Variants in GLIPR1 observed in about 807,000 individuals in gnomAD.
GLIPR1 encodes the protein GLI pathogenesis related 1, also known as glioma pathogenesis-related protein 1.
In GLIPR1, 38 loss-of-function variants were observed where a neutral mutation model predicts 30.3. The ratio of observed to expected loss-of-function variants is 1.26; its 90% CI spans 0.97 to 1.65. GLIPR1 has a LOEUF of 1.65. Ranked by LOEUF, GLIPR1 falls within the 40% of genes most tolerant of loss-of-function variation. The probability of loss-of-function intolerance (pLI) is 0.00; values close to 1 mark genes in which losing one functional copy is unlikely to be tolerated. For synonymous variants in GLIPR1, 122 were observed against 110.6 expected (o/e 1.10, Z -0.65); for missense variants, 285 against 326.5 (o/e 0.87, Z 0.98).
At chr12:75,489,604 C>T (rs184631808) in intron 2 of GLIPR1, among the ~76,000 whole-genome samples, 35 of 152,196 alleles carry the variant, frequency 2.3e-4, no homozygotes, top group Admixed American at 1.2e-3. Context: ...TTTCTCAGGC[C>T]CCAAACCAAA....
intron 4 of GLIPR1, chr12:75,496,543 C>G (rs1220303044): frequency 1.3e-5 from 2 of 150,710 alleles, no homozygotes; most frequent in Non-Finnish European, 3.0e-5. Flanking sequence ...TGTTCTTGTT[C>G]TAGACACAAA....
intron 3 of GLIPR1, chr12:75,490,947 C>T (rs1490795327): frequency 6.5e-6 from 1 of 154,106 alleles, no homozygotes; most frequent in Non-Finnish European, 1.4e-5. Flanking sequence ...TAACCTATTT[C>T]ATTTACTTTT....
At chr12:75,485,055 G>T (rs2046287314) in intron 2 of GLIPR1, among the ~76,000 whole-genome samples, 1 of 152,170 alleles carries the variant, frequency 6.6e-6, no homozygotes. Flanking sequence ...AAATCTTCCT[G>T]GGGGACTCAA....
chr12:75,500,051 C>A lies in GLIPR1; in HGVS notation c.*1073C>A. On this transcript the variant is annotated 3_prime_UTR_variant, in exon 6 of 6. Transcript: ENST00000266659. ...AAGAATATATGTTTAAGGCAGTTAA[C>A]TTCAGAGTATTCTTATAATTGAATA... 2 of 860,670 alleles carry A rather than the reference C, an allele frequency of 2.3e-6. No homozygotes were observed. Among genetic ancestry groups the A allele is most frequent in the Non-Finnish European group, 3.5e-6 (2 of 576,082 alleles). 53.3% of individuals were successfully genotyped at this position (860,670 alleles called of 1,614,324 possible). A position where few individuals can be genotyped will look rare whatever the true frequency, so the allele number is the denominator to read the frequency against.
In GLIPR1 at chr12:75,499,161, A is replaced by G. The variant is rs1490611516; in HGVS notation, c.*183A>G. The G allele has an allele frequency of 4.6e-6, 2 of 439,522 alleles. No homozygotes were observed. The highest frequency in any genetic ancestry group is 4.1e-5 in the African/African-American group (2 of 48,628). 27.2% of individuals were successfully genotyped at this position (439,522 alleles called of 1,614,324 possible). A position where few individuals can be genotyped will look rare whatever the true frequency, so the allele number is the denominator to read the frequency against. ...TATCAGATAAACTCATCTTTAGTAT[A>G]AATAAGCATTATTTGCAGGTTGCCA... On this transcript the variant is annotated 3_prime_UTR_variant, in exon 6 of 6. Coordinates refer to ENST00000266659, the MANE Select transcript of GLIPR1 (RefSeq NM_006851.3).
intron 4 of GLIPR1, 148 bp downstream of exon 4, chr12:75,495,810 C>T (rs1407918208): frequency 4.0e-6 from 2 of 501,672 alleles, no homozygotes; most frequent in African/African-American, 4.0e-5. Context: ...GCTTACTGTT[C>T]TAGGAATACA....
chr12:75,485,870 G>GT (rs780101074), intron 2 of GLIPR1, among the ~76,000 whole-genome samples: 21 of 152,078 alleles, frequency 1.4e-4, no homozygotes, highest in Non-Finnish European at 2.8e-4. Flanking sequence ...TCTGTAGTAG[G>GT]TTTCATATAT....
chr12:75,486,749 T>C (rs2046295480), intron 2 of GLIPR1, among the ~76,000 whole-genome samples: 1 of 152,198 alleles, frequency 6.6e-6, no homozygotes, highest in African/African-American at 2.4e-5. Context: ...CTGATTCCAT[T>C]CATATAACAT....
rs981503515 is a variant in GLIPR1 at position 75,499,701 on chromosome 12, A to C, written c.*723A>C. The C allele has an allele frequency of 1.6e-5, 11 of 671,730 alleles. No individual in the cohort carries two copies. The highest frequency in any genetic ancestry group is 2.3e-6 in the Non-Finnish European group (1 of 438,184). 41.6% of individuals were successfully genotyped at this position (671,730 alleles called of 1,614,324 possible). On this transcript the variant is annotated 3_prime_UTR_variant, in exon 6 of 6. Transcript: ENST00000266659. ...TTCTATGAACAACCACCACCACCAA[A>C]AAAAAAAAAAGCCCTCAGAAAATTT... is the stretch of plus-strand genomic sequence containing the variant.
At chr12:75,495,362 A>T (rs2046344053) in intron 3 of GLIPR1, 3 of 453,184 alleles carry the variant, frequency 6.6e-6, no homozygotes, top group Non-Finnish European at 8.1e-6. Flanking sequence ...TGGGATGCAG[A>T]TTAAAACAGG....
In GLIPR1 at chr12:75,500,527, A is replaced by G. The variant is rs2046385314; in HGVS notation, c.*1549A>G. 2 of 151,992 alleles carry G rather than the reference A, an allele frequency of 1.3e-5. No homozygotes were observed. The highest frequency in any genetic ancestry group is 2.9e-5 in the Non-Finnish European group (2 of 67,956). The allele number at this position is 151,992 out of a possible 1,614,324, so 9.4% of individuals were successfully genotyped here. On this transcript the variant is annotated 3_prime_UTR_variant, in exon 6 of 6. Transcript: ENST00000266659. ...TTAATGTTAGATTAATTCATTGAAT[A>G]TTAATTCAATGAATGACTAATTAAT...
intron 4 of GLIPR1, chr12:75,497,934 C>T (rs10748281): frequency 6.6e-6 from 1 of 152,066 alleles, no homozygotes; most frequent in Admixed American, 6.6e-5. Context: ...TTGATTTCAT[C>T]GACATAACTG....
At chr12:75,488,040 G>A (rs905812997) in intron 2 of GLIPR1, among the ~76,000 whole-genome samples, 1 of 152,146 alleles carries the variant, frequency 6.6e-6, no homozygotes, top group Admixed American at 6.5e-5. Context: ...GAGTGCAGCA[G>A]TGAGGACACC....
At chr12:75,485,577 G>A (rs1159859616) in intron 2 of GLIPR1, among the ~76,000 whole-genome samples, 9 of 62,616 alleles carry the variant, frequency 1.4e-4, no homozygotes, top group African/African-American at 4.0e-4. Context: ...TTGAGACGGA[G>A]TCTCGCTCTG....
intron 3 of GLIPR1, chr12:75,492,497 AG>A (rs1282166341): frequency 6.6e-6 from 1 of 152,250 alleles, no homozygotes; most frequent in African/African-American, 2.4e-5. Context: ...CCCATCACTT[AG>A]AGTAGCTATG....
chr12:75,502,106 A>C lies in GLIPR1; in HGVS notation c.*3128A>C. 1.2e-6 allele frequency: 1 copy of C among 844,204 alleles called. No individual in the cohort carries two copies. The highest frequency in any genetic ancestry group is 2.5e-5 in the East Asian group (1 of 40,670). The allele number at this position is 844,204 out of a possible 1,614,324, so 52.3% of individuals were successfully genotyped here. On this transcript the variant is annotated 3_prime_UTR_variant, in exon 6 of 6. Transcript: ENST00000266659. ...GGGTAAAAACAATGGGGTCAAACTGATTTATTAATAAAAATGGTAGTGACA... is the reference window on the plus strand; with the variant it reads ...GGGTAAAAACAATGGGGTCAAACTGCTTTATTAATAAAAATGGTAGTGACA...
intron 2 of GLIPR1, chr12:75,483,587 A>G (rs1368162413): frequency 6.6e-6 from 1 of 152,160 alleles, no homozygotes; most frequent in Non-Finnish European, 1.5e-5. Context: ...CTTTTGGGAG[A>G]GACTTATGTG....
Position 75,495,642 on chromosome 12 carries a change from A to G in GLIPR1, c.599A>G (p.Lys200Arg). 1.9e-6 allele frequency: 3 copies of G among 1,607,320 alleles called. No homozygotes were observed. The highest frequency in any genetic ancestry group is 2.6e-6 in the Non-Finnish European group (3 of 1,173,908). ...TGCAGTGCCTGCCCCAATAATGACA[A>G]GTGTTTGGACAATCTCTGTGGTGAG... Reference protein sequence around the residue: ...ATCSACPNNDKCLDNLCVNRQ... With the variant: ...ATCSACPNNDRCLDNLCVNRQ... The change falls in exon 4 of 6, where the codon AAG (lysine) becomes AGG (arginine). Residue 200 changes from lysine to arginine, a missense_variant. Physicochemically the swap from Lys to Arg is conservative, Grantham distance 26. Transcript: ENST00000266659.
intron 3 of GLIPR1, chr12:75,490,728 G>T (rs995772373): frequency 1.0e-5 from 3 of 300,208 alleles, no homozygotes; most frequent in African/African-American, 6.1e-5. Flanking sequence ...GAGAGAGAGG[G>T]TGTGTGTGTG....
Sources: gnomAD v4.1 joint callset for allele counts (sites outside exome capture counted in the v4.1 genomes callset) on GRCh38, gnomAD v4.1.1 for gene constraint, MANE v1.5 for transcripts, NCBI Gene and HGNC (gene_info 2026-07-23, HGNC 2026-07-21) for gene names.